The following KDM1A variants were observed in gnomAD, a reference collection of about 807,000 sequenced individuals.
KDM1A encodes lysine-specific histone demethylase 1A.
KDM1A carries 49 observed loss-of-function variants against 109.4 expected under a neutral mutation model. That is an observed-to-expected ratio of 0.45 (90% CI 0.36 to 0.57). KDM1A has a LOEUF of 0.57. KDM1A is among the 20% of genes least tolerant of loss of function. The pLI is 0.00. For synonymous variants in KDM1A, 380 were observed against 415.4 expected (o/e 0.91, Z 1.04); for missense variants, 668 against 1,116.6 (o/e 0.60, Z 5.73).
intron 15 of KDM1A, 85 bp from the exon 16 acceptor site, chr1:23,077,143 G>A: frequency 7.7e-7 from 1 of 1,297,508 alleles, no homozygotes. Context: ...ACAAGCTTGT[G>A]TTTTCATTGT....
intron 14 of KDM1A, 131 bp downstream of exon 14, chr1:23,072,328 T>G (rs1643344504): frequency 7.4e-6 from 5 of 678,650 alleles, no homozygotes; most frequent in Non-Finnish European, 1.0e-5. Flanking sequence ...GTTAAATAAA[T>G]GAATGTGTGA....
chr1:23,063,155 T>A, intron 9 of KDM1A, among the ~76,000 whole-genome samples: 1 of 127,424 alleles, frequency 7.8e-6, no homozygotes. Context: ...TTTGGAGTAA[T>A]GAAAGGGTAT....
At chr1:23,033,322 GAC>G (rs1163443220) in intron 2 of KDM1A, among the ~76,000 whole-genome samples, 13 of 152,220 alleles carry the variant, frequency 8.5e-5, no homozygotes, top group African/African-American at 2.4e-5. Flanking sequence ...AGGAGTTCGA[GAC>G]CAGCATGGCC....
At chr1:23,034,161 C>T (rs1442146077) in intron 2 of KDM1A, among the ~76,000 whole-genome samples, 1 of 152,006 alleles carries the variant, frequency 6.6e-6, no homozygotes, top group Non-Finnish European at 1.5e-5. Context: ...TTTTTCATAC[C>T]AAATATTACT....
intron 2 of KDM1A, among the ~76,000 whole-genome samples, chr1:23,035,469 T>G (rs1459423028): frequency 6.6e-6 from 1 of 152,206 alleles, no homozygotes; most frequent in Non-Finnish European, 1.5e-5. Context: ...CCCAAAGTGC[T>G]GGGATTACAG....
intron 3 of KDM1A, 146 bp from the exon 4 acceptor site, chr1:23,050,239 AAT>A (rs1195729036): frequency 1.9e-5 from 13 of 668,738 alleles, no homozygotes; most frequent in Non-Finnish European, 2.9e-5. Context: ...ATAAGTGGCT[AAT>A]ATCTAAGGAA....
chr1:23,049,925 G>A (rs775719154), intron 3 of KDM1A, among the ~76,000 whole-genome samples: 72 of 152,166 alleles, frequency 4.7e-4, no homozygotes, highest in Middle Eastern at 3.4e-3. Flanking sequence ...ACTGTTGATG[G>A]GATTGTGATT....
At chr1:23,062,481 A>G (rs1369380211) in intron 9 of KDM1A, among the ~76,000 whole-genome samples, 1 of 152,258 alleles carries the variant, frequency 6.6e-6, no homozygotes, top group African/African-American at 2.4e-5. Context: ...GTAGAAATTA[A>G]TGATGTCATC....
Position 23,071,247 on chromosome 1 carries a change from T to C in KDM1A, c.1436T>C (p.Ile479Thr). 6.3e-7 allele frequency: 1 copy of C among 1,599,062 alleles called. No individual in the cohort carries two copies. The highest frequency in any genetic ancestry group is 2.2e-5 in the East Asian group (1 of 44,806). ...TAGATGGTAAATTTGAAAGAGAAAA[T>C]TAAAGAACTCCATCAGCAATACAAA... The part of the protein sequence containing the change: ...LNKMVNLKEK[I>T]KELHQQYKEA... Residue 479 changes from isoleucine to threonine, a missense_variant, in exon 13 of 21, where the codon ATT becomes ACT. By Grantham distance (89) the Ile-to-Thr change is moderately conservative. Transcript: ENST00000400181.
chr1:23,050,944 G>C (rs1642650751), intron 4 of KDM1A, among the ~76,000 whole-genome samples: 1 of 152,076 alleles, frequency 6.6e-6, no homozygotes, highest in African/African-American at 2.4e-5. Flanking sequence ...AATTATCTGG[G>C]CATGGTGGCA....
Position 23,081,442 on chromosome 1 carries a change from C to T in KDM1A, c.2171-4C>T. 1 of 1,613,964 alleles carries T rather than the reference C, an allele frequency of 6.2e-7. No homozygotes were observed. The highest frequency in any genetic ancestry group is 1.3e-5 in the African/African-American group (1 of 75,018). On this transcript the variant is annotated splice_region_variant and splice_polypyrimidine_tract_variant and intron_variant, in intron 18 of 20. Coordinates refer to ENST00000400181, the MANE Select transcript of KDM1A (RefSeq NM_001009999.3). ...CCCTAGAATTATCCTTTCTGTTTCC[C>T]CAGCTCCAATACTGTTGGCACTAGT... is the stretch of plus-strand genomic sequence containing the variant.
chr1:23,057,697 T>TATGTGGAA, intron 8 of KDM1A, 132 bp downstream of exon 8: 2 of 579,636 alleles, frequency 3.5e-6, no homozygotes, highest in Non-Finnish European at 6.1e-6. Flanking sequence ...GGTATAGCAG[T>TATGTGGAA]ATGTGGAAAA....
chr1:23,071,334 A>C lies in KDM1A; in HGVS notation c.1523A>C (p.His508Pro), dbSNP rs1643312925. 1 of 1,612,816 alleles carries C rather than the reference A, an allele frequency of 6.2e-7. No individual in the cohort carries two copies. The highest frequency in any genetic ancestry group is 8.5e-7 in the Non-Finnish European group (1 of 1,179,706). The change falls in exon 13 of 21, where the codon CAC becomes CCC. Residue 508 changes from histidine (H) to proline (P), a missense_variant. Physicochemically the swap from His to Pro is moderately conservative, Grantham distance 77. Coordinates refer to ENST00000400181, the MANE Select transcript of KDM1A (RefSeq NM_001009999.3). Reference protein sequence around the residue: ...ITAEFLVKSKHRDLTALCKEY... With the variant: ...ITAEFLVKSKPRDLTALCKEY... ...GCCGAGTTCTTAGTGAAAAGCAAAC[A>C]CAGGGATCTGACCGCCCTATGCAAG...
chr1:23,063,856 G>T (rs186952031), intron 9 of KDM1A, among the ~76,000 whole-genome samples: 105 of 152,250 alleles, frequency 6.9e-4, no homozygotes, highest in African/African-American at 2.4e-3. Flanking sequence ...GGGTGGGAGT[G>T]GGGGGAAGAC....
chr1:23,056,039 G>T lies in KDM1A; in HGVS notation c.990+1G>T. The stretch of plus-strand genomic sequence containing the variant: ...GGATGTCACACTTTTGGAAGCCAGG[G>T]TAAGAATTTCATTTTGAGTTTAGAG... On this transcript the variant is annotated splice_donor_variant, in intron 7 of 20. Transcript: ENST00000400181. LOFTEE classifies it high-confidence loss of function. The T allele has an allele frequency of 6.2e-7, 1 of 1,603,438 alleles. No homozygotes were observed.
At chr1:23,058,378 T>G (rs902281682) in intron 8 of KDM1A, among the ~76,000 whole-genome samples, 1 of 152,216 alleles carries the variant, frequency 6.6e-6, no homozygotes, top group Non-Finnish European at 1.5e-5. Flanking sequence ...CATGTATGGC[T>G]TAAACTAGCT....
rs1337334137 is a variant in KDM1A, at chr1:23,019,515, G to A, written c.-82G>A. On this transcript the variant is annotated 5_prime_UTR_variant, in exon 1 of 21. Coordinates refer to ENST00000400181, the MANE Select transcript of KDM1A (RefSeq NM_001009999.3). The stretch of plus-strand genomic sequence containing the variant: ...GTTGGCGGCGCGCGGGCAGCGTGAA[G>A]CGAGGCGAGGCAAGGCTTTTCGGAC... 24 of 1,311,704 alleles carry A rather than the reference G, an allele frequency of 1.8e-5. No individual in the cohort carries two copies. The highest frequency in any genetic ancestry group is 2.2e-5 in the Non-Finnish European group (23 of 1,030,976). 81.3% of individuals were successfully genotyped at this position (1,311,704 alleles called of 1,614,324 possible). A position where few individuals can be genotyped will look rare whatever the true frequency, so the allele number is the denominator to read the frequency against.
chr1:23,060,834 CAG>C lies in KDM1A; in HGVS notation c.1167+1668_1167+1669del, dbSNP rs1379387412. ...AACAGGGGAAATGACACGATTAAGT[CAG>C]TGTTAAAAGTATAATATTAATAGTA... On this transcript the variant is annotated intron_variant, in intron 9 of 20. Coordinates refer to ENST00000400181, the MANE Select transcript of KDM1A (RefSeq NM_001009999.3). 4.6e-5 allele frequency among the ~76,000 whole-genome samples: 7 copies of C among 152,066 alleles called. No individual in the cohort carries two copies. The East Asian group carries it at 7.7e-4, about 17-fold the overall frequency.
At position 23,079,688 on chromosome 1, in the gene KDM1A, A is replaced by T. The variant is rs1467704295; in HGVS notation, c.2170+21A>T. The T allele has an allele frequency of 1.4e-6, 2 of 1,450,236 alleles. No homozygotes were observed. Among genetic ancestry groups the T allele is most frequent in the Non-Finnish European group, 1.9e-6 (2 of 1,046,524 alleles). The allele number at this position is 1,450,236 out of a possible 1,614,324, so 89.8% of individuals were successfully genotyped here. ...TAAAGGTAAATGCCTTCTAATTTTA[A>T]TCTTTTCCATATCCTTACAGGAATA... On this transcript the variant is annotated intron_variant, in intron 18 of 20. Transcript: ENST00000400181. The surrounding 1 kb of genome is among the most constrained non-coding windows in gnomAD (Gnocchi z 5.6).
Sources: gnomAD v4.1 joint callset for allele counts (sites outside exome capture counted in the v4.1 genomes callset) on GRCh38, gnomAD v4.1.1 for gene constraint, Gnocchi (gnomAD v3.1) non-coding constraint, MANE v1.5 for transcripts, NCBI Gene and HGNC (gene_info 2026-07-23, HGNC 2026-07-21) for gene names.